Variants in PCDHA6 observed in about 807,000 individuals in gnomAD.
The protein encoded by PCDHA6 is protocadherin alpha 6, also known as protocadherin alpha-6.
Under a neutral mutation model 60.3 loss-of-function variants are expected in PCDHA6, and 55 were observed. That is an observed-to-expected ratio of 0.91 (90% CI 0.73 to 1.14). The LOEUF (loss-of-function observed/expected upper bound fraction) is 1.14. Among genes scored for constraint, PCDHA6 ranks in the 50% most tolerant of loss-of-function variants. The pLI, the probability that PCDHA6 is intolerant of heterozygous loss-of-function variation, is 0.00. For missense variants in PCDHA6, 1,327 were observed against 1,256.5 expected (o/e 1.06, Z -0.85); for synonymous variants, 652 against 557.9 (o/e 1.17, Z -2.38).
At chr5:140,876,742 G>C (rs1554168860) in intron 1 of PCDHA6, 3 of 1,614,274 alleles carry the variant, frequency 1.9e-6, no homozygotes, top group Admixed American at 3.3e-5. Context: ...CTATGAGCTG[G>C]TGGTGACTGC....
intron 1 of PCDHA6, among the ~76,000 whole-genome samples, chr5:140,873,433 C>A (rs1404157271): frequency 2.0e-5 from 3 of 152,116 alleles, no homozygotes; most frequent in African/African-American, 7.2e-5. Context: ...TATTTTATAT[C>A]ACATAAATAA....
rs139533789 is a variant in PCDHA6, at chr5:140,857,716, C to G, written c.2394+27231C>G. ...TGACGCTGCAGGTGTTCGTGCTGGA[C>G]GAGAACGACAACGCTCCCGCGCTGC... On this transcript the variant is annotated intron_variant, in intron 1 of 3. Transcript: ENST00000529310. The G allele has an allele frequency of 3.1e-6, 5 of 1,597,272 alleles. No individual in the cohort carries two copies. Among genetic ancestry groups the G allele is most frequent in the East Asian group, 2.2e-5 (1 of 44,832 alleles).
At chr5:140,961,446 T>G (rs1318543773) in intron 1 of PCDHA6, among the ~76,000 whole-genome samples, 1 of 152,238 alleles carries the variant, frequency 6.6e-6, no homozygotes. Flanking sequence ...CTAACTACAC[T>G]GTCTTGCAGC....
chr5:140,844,595 A>G (rs2150372413), intron 1 of PCDHA6, among the ~76,000 whole-genome samples: 1 of 149,668 alleles, frequency 6.7e-6, no homozygotes, highest in East Asian at 1.9e-4. Flanking sequence ...GATATTTAAT[A>G]TATGACTTAG....
chr5:140,847,295 C>G (rs1780942719), intron 1 of PCDHA6, among the ~76,000 whole-genome samples: 1 of 149,718 alleles, frequency 6.7e-6, no homozygotes, highest in Non-Finnish European at 1.5e-5. Flanking sequence ...AACTCAGAAG[C>G]TCCTGCAGTA....
At chr5:140,890,136 T>C (rs1297709763) in intron 1 of PCDHA6, among the ~76,000 whole-genome samples, 4 of 152,148 alleles carry the variant, frequency 2.6e-5, no homozygotes, top group Non-Finnish European at 4.4e-5. Flanking sequence ...TAGCTTGAAA[T>C]TGGCCATGGT....
At chr5:141,002,676 T>C (rs2098090585) in intron 3 of PCDHA6, among the ~76,000 whole-genome samples, 1 of 152,196 alleles carries the variant, frequency 6.6e-6, no homozygotes, top group Non-Finnish European at 1.5e-5. Context: ...CCAAAACCTA[T>C]ACGACGTGCA....
At chr5:140,857,171 G>A in intron 1 of PCDHA6, 1 of 1,598,424 alleles carries the variant, frequency 6.3e-7, no homozygotes, top group South Asian at 1.1e-5. Flanking sequence ...CAGCGTTTCT[G>A]ACCATGATTC....
At chr5:140,926,864 T>C in intron 1 of PCDHA6, 1 of 1,522,480 alleles carries the variant, frequency 6.6e-7, no homozygotes, top group South Asian at 1.3e-5. Flanking sequence ...GTGTAGCGTG[T>C]TGGTGGAACG....
rs2091506714 is a variant in PCDHA6, at chr5:140,937,376, G to C, written c.2395-41573G>C. Reference sequence around the variant, plus strand: ...TATTATTTTATCTTAATGTTTATGTGTGTGTATGTGTATATAGGGGTATTG... The same window carrying C: ...TATTATTTTATCTTAATGTTTATGTCTGTGTATGTGTATATAGGGGTATTG... On this transcript the variant is annotated intron_variant, in intron 1 of 3. Coordinates refer to ENST00000529310, the MANE Select transcript of PCDHA6 (RefSeq NM_018909.4). Among the ~76,000 whole-genome samples, 4 of 152,084 alleles carry C rather than the reference G, an allele frequency of 2.6e-5. No homozygotes were observed. In the South Asian group the frequency reaches 8.3e-4, roughly 32 times the overall value.
chr5:140,898,245 T>G (rs1583300763), intron 1 of PCDHA6, among the ~76,000 whole-genome samples: 1 of 152,246 alleles, frequency 6.6e-6, no homozygotes, highest in East Asian at 1.9e-4. Flanking sequence ...TTTGGTGTTT[T>G]AGACATGAAG....
chr5:140,994,317 T>A (rs1053879490), intron 3 of PCDHA6, among the ~76,000 whole-genome samples: 7 of 152,086 alleles, frequency 4.6e-5, no homozygotes, highest in African/African-American at 1.7e-4. Flanking sequence ...GCCCAAACAC[T>A]CTCAGCAACC....
At chr5:141,001,030 G>A (rs1356604139) in intron 3 of PCDHA6, among the ~76,000 whole-genome samples, 1 of 151,894 alleles carries the variant, frequency 6.6e-6, no homozygotes, top group Non-Finnish European at 1.5e-5. Context: ...TATAATAATA[G>A]CTTTAATTAA....
intron 1 of PCDHA6, chr5:140,859,302 A>G (rs1280073821): frequency 4.7e-5 from 6 of 128,898 alleles, no homozygotes; most frequent in Non-Finnish European, 1.1e-4. Context: ...CTTTAGTATG[A>G]ATTAATATTA....
intron 1 of PCDHA6, among the ~76,000 whole-genome samples, chr5:140,947,069 T>G (rs2094080715): frequency 6.6e-6 from 1 of 151,696 alleles, no homozygotes; most frequent in Admixed American, 6.6e-5. Context: ...AGTGTATATA[T>G]GTATTGAAAC....
At chr5:140,836,558 GC>G (rs1274646840) in intron 1 of PCDHA6, 7 of 1,613,642 alleles carry the variant, frequency 4.3e-6, no homozygotes, top group Non-Finnish European at 5.9e-6. Flanking sequence ...GGTGCTCAGC[GC>G]CGTCCTCTGA....
intron 3 of PCDHA6, among the ~76,000 whole-genome samples, chr5:141,007,846 A>G (rs1368916424): frequency 6.6e-6 from 1 of 152,176 alleles, no homozygotes. Flanking sequence ...TAGAGACTCA[A>G]AGTCCTTAAA....
rs782568790 is a variant in PCDHA6 at position 140,856,315 on chromosome 5, T to C, written c.2394+25830T>C. On this transcript the variant is annotated intron_variant, in intron 1 of 3. Transcript: ENST00000529310. ...GCATTTTGTTTGTGAATTCTCGGAT[T>C]GACCGCGAGGAGCTGTGCGGGCGGA... 131 of 1,598,516 alleles carry C rather than the reference T, an allele frequency of 8.2e-5. 15 individuals are homozygous for C. The highest frequency in any genetic ancestry group is 1.9e-4 in the Admixed American group (11 of 59,298).
chr5:140,831,227 C>T (rs1037770738), intron 1 of PCDHA6: 2 of 152,168 alleles, frequency 1.3e-5, no homozygotes, highest in Admixed American at 1.3e-4. Context: ...AAACTGCATT[C>T]CTCTGGCATT....
Sources: allele counts gnomAD v4.1 joint callset (sites outside exome capture counted in the v4.1 genomes callset), GRCh38; gene constraint gnomAD v4.1.1; transcripts MANE v1.5; gene names NCBI Gene and HGNC (gene_info 2026-07-23, HGNC 2026-07-21).